BMPR1B: variants seen among roughly 807,000 people sequenced by gnomAD.
The protein encoded by BMPR1B is bone morphogenetic protein receptor type-1B.
A neutral mutation model predicts 59.1 loss-of-function variants in BMPR1B; 12 were observed. That is an observed-to-expected ratio of 0.20 (90% CI 0.13 to 0.33). The LOEUF (loss-of-function observed/expected upper bound fraction) is 0.33. BMPR1B is among the 10% of genes least tolerant of loss of function. The probability of loss-of-function intolerance (pLI) is 1.00; values close to 1 mark genes in which losing one functional copy is unlikely to be tolerated. For synonymous variants in BMPR1B, 237 were observed against 207.3 expected, an observed-to-expected ratio of 1.14 and a Z score of -1.23; for missense variants, 550 against 610.9, an observed-to-expected ratio of 0.90 and a Z score of 1.05.
At chr4:94,838,798 C>G (rs1724926449) in intron 1 of BMPR1B, among the ~76,000 whole-genome samples, 4 of 131,610 alleles carry the variant, frequency 3.0e-5, no homozygotes, top group Admixed American at 2.3e-4. Context: ...TTGCCTTCTG[C>G]TAGCTTTTGA....
intron 3 of BMPR1B, among the ~76,000 whole-genome samples, chr4:95,076,122 T>A (rs1287820996): frequency 1.3e-5 from 2 of 152,110 alleles, no homozygotes; most frequent in Non-Finnish European, 2.9e-5. Context: ...TTCCCAAGAG[T>A]CCTAACTTGA....
At chr4:95,025,951 A>C (rs1724323700) in intron 3 of BMPR1B, among the ~76,000 whole-genome samples, 1 of 152,174 alleles carries the variant, frequency 6.6e-6, no homozygotes, top group South Asian at 2.1e-4. Context: ...TTTAATTTTT[A>C]TTAGCACTGG....
intron 3 of BMPR1B, among the ~76,000 whole-genome samples, chr4:95,051,143 G>T (rs1209545413): frequency 1.4e-4 from 21 of 152,134 alleles, no homozygotes. Flanking sequence ...TATTTATCTG[G>T]TGACGTAGTG....
chr4:95,025,355 A>C (rs7664797), intron 3 of BMPR1B, among the ~76,000 whole-genome samples: 49,320 of 151,890 alleles, frequency 0.32, 8,168 homozygotes, highest in Middle Eastern at 0.45. Flanking sequence ...TCATCTCTTT[A>C]GTTGCTTAGT....
At chr4:94,889,511 C>A (rs1727307539) in intron 2 of BMPR1B, among the ~76,000 whole-genome samples, 1 of 152,038 alleles carries the variant, frequency 6.6e-6, no homozygotes, top group South Asian at 2.1e-4. Context: ...AGTTTTAATT[C>A]TTTCTCAAAA....
chr4:95,092,401 A>G (rs1054807268), intron 3 of BMPR1B, among the ~76,000 whole-genome samples: 7 of 152,030 alleles, frequency 4.6e-5, no homozygotes, highest in Admixed American at 3.3e-4. Context: ...TTTGGTTTAC[A>G]GTTTGTTCTC....
chr4:95,142,540 T>C (rs1382648908), intron 10 of BMPR1B, among the ~76,000 whole-genome samples: 2 of 152,112 alleles, frequency 1.3e-5, no homozygotes, highest in Non-Finnish European at 2.9e-5. Context: ...TTCTCTTTTC[T>C]TTCTCCTGTC....
chr4:94,966,417 G>A (rs1730558011), intron 2 of BMPR1B, among the ~76,000 whole-genome samples: 1 of 152,104 alleles, frequency 6.6e-6, no homozygotes, highest in African/African-American at 2.4e-5. Flanking sequence ...TAATTGCAGT[G>A]AATGATAGTT....
At chr4:94,811,956 T>C (rs1182404251) in intron 1 of BMPR1B, among the ~76,000 whole-genome samples, 1 of 152,180 alleles carries the variant, frequency 6.6e-6, no homozygotes, top group Non-Finnish European at 1.5e-5. Flanking sequence ...CCCCATAAAG[T>C]CGTTTTGCAG....
At chr4:94,904,737 A>G (rs533749984) in intron 2 of BMPR1B, among the ~76,000 whole-genome samples, 3 of 152,142 alleles carry the variant, frequency 2.0e-5, no homozygotes, top group East Asian at 3.9e-4. Flanking sequence ...TAAAAAACTT[A>G]TATATGAAAA....
intron 1 of BMPR1B, among the ~76,000 whole-genome samples, chr4:94,815,835 C>T (rs1723989753): frequency 6.6e-6 from 1 of 152,148 alleles, no homozygotes; most frequent in African/African-American, 2.4e-5. Context: ...TGCTGTTATA[C>T]CCAATTTTTC....
chr4:94,779,628 C>G (rs113774430), intron 1 of BMPR1B, among the ~76,000 whole-genome samples: 2 of 152,048 alleles, frequency 1.3e-5, no homozygotes, highest in Non-Finnish European at 2.9e-5. Flanking sequence ...ATAAGGAGTT[C>G]GAGATTAGCC....
At chr4:94,835,333 C>CT (rs1019152024) in intron 1 of BMPR1B, among the ~76,000 whole-genome samples, 2 of 151,942 alleles carry the variant, frequency 1.3e-5, no homozygotes, top group Admixed American at 1.3e-4. Context: ...CCATGCCTGG[C>CT]TTTAAGAGAA....
At chr4:94,785,579 T>C (rs1454783223) in intron 1 of BMPR1B, among the ~76,000 whole-genome samples, 8 of 152,116 alleles carry the variant, frequency 5.3e-5, no homozygotes, top group Non-Finnish European at 1.2e-4. Flanking sequence ...TTAAAGACTT[T>C]AGAAAAGAAA....
At chr4:95,011,318 C>T (rs1723213319) in intron 3 of BMPR1B, among the ~76,000 whole-genome samples, 2 of 152,086 alleles carry the variant, frequency 1.3e-5, no homozygotes, top group Admixed American at 1.3e-4. Flanking sequence ...TGAGAACATA[C>T]AGTATTTGGT....
intron 1 of BMPR1B, among the ~76,000 whole-genome samples, chr4:94,816,960 G>C (rs912723842): frequency 3.6e-4 from 55 of 152,160 alleles, no homozygotes. Context: ...GGGGCCTTTA[G>C]GAGGTGATTA....
intron 1 of BMPR1B, among the ~76,000 whole-genome samples, chr4:94,863,559 G>T (rs1726086629): frequency 6.6e-6 from 1 of 152,166 alleles, no homozygotes; most frequent in African/African-American, 2.4e-5. Flanking sequence ...TATTTAGTTT[G>T]CAGTTGCTAT....
chr4:94,898,812 G>C (rs1379830845), intron 2 of BMPR1B, among the ~76,000 whole-genome samples: 1 of 151,984 alleles, frequency 6.6e-6, no homozygotes, highest in Non-Finnish European at 1.5e-5. Context: ...GTGGTTGTGG[G>C]TCCCTCTCTC....
intron 1 of BMPR1B, among the ~76,000 whole-genome samples, chr4:94,766,407 CTTT>C (rs33979041): frequency 2.3e-5 from 3 of 133,172 alleles, no homozygotes; most frequent in African/African-American, 5.6e-5. Flanking sequence ...CGGCTCCTGT[CTTT>C]TTTTTTTTTT....
Sources: gnomAD v4.1 joint callset for allele counts (sites outside exome capture counted in the v4.1 genomes callset) on GRCh38, gnomAD v4.1.1 for gene constraint, MANE v1.5 for transcripts, NCBI Gene and HGNC (gene_info 2026-07-23, HGNC 2026-07-21) for gene names.